PALS2: variants seen among roughly 807,000 people sequenced by gnomAD.
PALS2 encodes protein associated with LIN7 2, MAGUK p55 family member, also known as protein PALS2.
PALS2 carries 27 observed loss-of-function variants against 61.6 expected under a neutral mutation model. The ratio of observed to expected loss-of-function variants is 0.44; its 90% confidence interval spans 0.32 to 0.60. The LOEUF (loss-of-function observed/expected upper bound fraction) is 0.60, where lower values mean the gene tolerates loss of function less well. Ranked by LOEUF, PALS2 falls within the 20% of genes least tolerant of loss-of-function variation. PALS2 has a pLI of 0.05. For synonymous variants in PALS2, 236 were observed against 218.6 expected (o/e 1.08, Z -0.70); for missense variants, 554 against 639.4 (o/e 0.87, Z 1.44).
chr7:24,655,581 C>G (rs1786371864), intron 5 of PALS2, among the ~76,000 whole-genome samples: 1 of 149,236 alleles, frequency 6.7e-6, no homozygotes, highest in South Asian at 2.1e-4. Context: ...GTGATATAAA[C>G]TTAAGAATTA....
intron 3 of PALS2, among the ~76,000 whole-genome samples, chr7:24,647,003 C>A (rs1785867944): frequency 6.6e-6 from 1 of 151,940 alleles, no homozygotes. Context: ...ACATTCCCTT[C>A]ATCATTTCTA....
intron 9 of PALS2, among the ~76,000 whole-genome samples, chr7:24,676,752 AG>A: frequency 6.6e-6 from 1 of 151,240 alleles, no homozygotes; most frequent in East Asian, 1.9e-4. Flanking sequence ...TTTTGGTACC[AG>A]TCCCATGCTG....
intron 3 of PALS2, among the ~76,000 whole-genome samples, chr7:24,649,149 C>T (rs78851667): frequency 0.063 from 9,602 of 151,896 alleles, 346 homozygotes; most frequent in African/African-American, 0.093. Flanking sequence ...TTTTAACAGA[C>T]GTTTTCTACA....
At chr7:24,677,765 A>G (rs954907757) in intron 9 of PALS2, among the ~76,000 whole-genome samples, 1 of 152,210 alleles carries the variant, frequency 6.6e-6, no homozygotes, top group Non-Finnish European at 1.5e-5. Context: ...CCATCATAGC[A>G]TCTTGAAGAT....
intron 3 of PALS2, among the ~76,000 whole-genome samples, chr7:24,647,462 C>G (rs956450602): frequency 6.6e-6 from 1 of 152,066 alleles, no homozygotes; most frequent in Non-Finnish European, 1.5e-5. Context: ...CCTCATTGAT[C>G]TTTTGGAAGG....
chr7:24,643,572 T>C (rs1412920885), intron 3 of PALS2, among the ~76,000 whole-genome samples: 2 of 152,254 alleles, frequency 1.3e-5, no homozygotes, highest in East Asian at 3.9e-4. Flanking sequence ...TATTCAGACT[T>C]CTCCATTTGA....
intron 1 of PALS2, among the ~76,000 whole-genome samples, chr7:24,615,244 C>A (rs1784251616): frequency 6.6e-6 from 1 of 151,620 alleles, no homozygotes; most frequent in Non-Finnish European, 1.5e-5. Context: ...AAAACAAGAA[C>A]AAACCAAACT....
In PALS2 at chr7:24,618,456, T is replaced by C. The variant is rs1005011553; in HGVS notation, c.-2-5210T>C. On this transcript the variant is annotated intron_variant, in intron 1 of 11. Coordinates refer to ENST00000222644, the MANE Select transcript of PALS2 (RefSeq NM_001303037.2). This position sits in a 1 kb window ranked among gnomAD's most constrained non-coding sequence, Gnocchi z 5.1. ...GCAGGGTGTACTTCAGAAATGGTTCTGGTCTCAAGGTGATCGGTGACATGC... is the reference window on the plus strand; with the variant it reads ...GCAGGGTGTACTTCAGAAATGGTTCCGGTCTCAAGGTGATCGGTGACATGC... Among the ~76,000 whole-genome samples, 1 of 152,220 alleles carries C rather than the reference T, an allele frequency of 6.6e-6. No homozygotes were observed. Among genetic ancestry groups the C allele is most frequent in the Non-Finnish European group, 1.5e-5 (1 of 68,040 alleles).
In PALS2 at chr7:24,689,064, T is replaced by C. The variant is rs1202070890; in HGVS notation, c.*1450T>C. 1 of 152,240 alleles carries C rather than the reference T, an allele frequency of 6.6e-6. No individual in the cohort carries two copies. Among genetic ancestry groups the C allele is most frequent in the Non-Finnish European group, 1.5e-5 (1 of 68,062 alleles). The allele number at this position is 152,240 out of a possible 1,614,324, so 9.4% of individuals were successfully genotyped here. ...CCTGACCTCAAGTGATCCACCCACCTTGGCCTCCCAAAGTGCTGAGATTAC... is the reference window on the plus strand; with the variant it reads ...CCTGACCTCAAGTGATCCACCCACCCTGGCCTCCCAAAGTGCTGAGATTAC... On this transcript the variant is annotated 3_prime_UTR_variant, in exon 12 of 12. Coordinates refer to ENST00000222644, the MANE Select transcript of PALS2 (RefSeq NM_001303037.2).
chr7:24,636,300 A>G (rs1785236698), intron 2 of PALS2, among the ~76,000 whole-genome samples: 1 of 151,908 alleles, frequency 6.6e-6, no homozygotes, highest in African/African-American at 2.4e-5. Context: ...TAGAAAAAAT[A>G]TGTCAAAGTG....
chr7:24,606,113 A>G (rs1043423114), intron 1 of PALS2, among the ~76,000 whole-genome samples: 18 of 152,180 alleles, frequency 1.2e-4, no homozygotes, highest in East Asian at 3.8e-4. Flanking sequence ...GTCACATTCA[A>G]TAATATCTTT....
At chr7:24,680,202 A>C (rs1393852170) in intron 10 of PALS2, among the ~76,000 whole-genome samples, 190 bp from the exon 11 acceptor site, 2 of 152,216 alleles carry the variant, frequency 1.3e-5, no homozygotes, top group South Asian at 4.1e-4. Flanking sequence ...ACTGAGTTCA[A>C]AACAAAATAA....
intron 2 of PALS2, among the ~76,000 whole-genome samples, chr7:24,626,873 A>G (rs910988760): frequency 6.6e-6 from 1 of 152,214 alleles, no homozygotes; most frequent in African/African-American, 2.4e-5. Flanking sequence ...TTCATAAAGC[A>G]AGTTCTTAGA....
At chr7:24,649,845 T>G (rs570536103) in intron 4 of PALS2, 81 bp downstream of exon 4, 2 of 1,294,140 alleles carry the variant, frequency 1.5e-6, no homozygotes, top group Admixed American at 2.7e-5. Context: ...GTTTCATTTT[T>G]TTTCCTTTTC....
rs751210941 is a variant in PALS2, at chr7:24,668,588, G to C, written c.1042G>C (p.Gly348Arg). ...RKTLVLIGAQ[G>R]VGRRSLKNRF... ...AACATTAGTATTGATAGGAGCTCAA[G>C]GTGTAGGCCGAAGAAGCTTGAAAAA... Residue 348 changes from glycine (G) to arginine (R), a missense_variant, in exon 9 of 12, where the codon GGT becomes CGT. Transcript: ENST00000222644. 6.2e-7 allele frequency: 1 copy of C among 1,613,974 alleles called. No homozygotes were observed. Among genetic ancestry groups the C allele is most frequent in the South Asian group, 1.1e-5 (1 of 91,086 alleles).
chr7:24,588,527 A>G (rs1166721365), intron 1 of PALS2, among the ~76,000 whole-genome samples: 2 of 152,132 alleles, frequency 1.3e-5, no homozygotes, highest in Admixed American at 1.3e-4. Flanking sequence ...GTCTGGGTTG[A>G]GCTAGTTCTT....
intron 3 of PALS2, among the ~76,000 whole-genome samples, chr7:24,646,447 A>G (rs1344355579): frequency 6.6e-6 from 1 of 152,184 alleles, no homozygotes; most frequent in Non-Finnish European, 1.5e-5. Context: ...TATGTGATGA[A>G]TCACATTTAT....
At chr7:24,588,873 G>C (rs563169290) in intron 1 of PALS2, among the ~76,000 whole-genome samples, 11 of 152,220 alleles carry the variant, frequency 7.2e-5, no homozygotes, top group African/African-American at 2.6e-4. Flanking sequence ...ATTGAGAAAG[G>C]GGTGTGTTTT....
intron 11 of PALS2, among the ~76,000 whole-genome samples, chr7:24,685,351 A>G (rs1788140299): frequency 6.6e-6 from 1 of 152,140 alleles, no homozygotes; most frequent in Non-Finnish European, 1.5e-5. Context: ...CAACATTTTC[A>G]TTGCTCCAAC....
Sources: gnomAD v4.1 joint callset for allele counts (sites outside exome capture counted in the v4.1 genomes callset) on GRCh38, gnomAD v4.1.1 for gene constraint, Gnocchi (gnomAD v3.1) non-coding constraint, MANE v1.5 for transcripts, NCBI Gene and HGNC (gene_info 2026-07-23, HGNC 2026-07-21) for gene names.